The following ROR1 variants were observed in gnomAD, a reference collection of about 807,000 sequenced individuals.
ROR1 encodes inactive tyrosine-protein kinase transmembrane receptor ROR1.
A neutral mutation model predicts 78.8 loss-of-function variants in ROR1; 19 were observed. The ratio of observed to expected loss-of-function variants is 0.24; its 90% CI spans 0.17 to 0.35. The LOEUF (loss-of-function observed/expected upper bound fraction) is 0.35. ROR1 is among the 10% of genes least tolerant of loss of function. The pLI is 1.00. For missense variants in ROR1, 917 were observed against 1,177.8 expected, an observed-to-expected ratio of 0.78 and a Z score of 3.24; for synonymous variants, 386 against 433.6, an observed-to-expected ratio of 0.89 and a Z score of 1.36.
At chr1:64,073,153 C>T (rs1647021186) in intron 4 of ROR1, among the ~76,000 whole-genome samples, 1 of 152,132 alleles carries the variant, frequency 6.6e-6, no homozygotes, top group Admixed American at 6.5e-5. Flanking sequence ...AGCTTCCCTC[C>T]TCTATGTAAA....
intron 1 of ROR1, among the ~76,000 whole-genome samples, chr1:63,783,326 T>C (rs1405412959): frequency 6.6e-6 from 1 of 152,184 alleles, no homozygotes; most frequent in African/African-American, 2.4e-5. Flanking sequence ...GTCAAAGGTA[T>C]ATGATGGTGT....
In ROR1 at chr1:64,177,488, G is replaced by C; in HGVS notation, c.1447G>C (p.Ala483Pro). 1 of 1,614,178 alleles carries C rather than the reference G, an allele frequency of 6.2e-7. No individual in the cohort carries two copies. Among genetic ancestry groups the C allele is most frequent in the Non-Finnish European group, 8.5e-7 (1 of 1,180,042 alleles). The change falls in exon 9 of 9, where the codon GCC (alanine) becomes CCC (proline). Residue 483 changes from alanine (A) to proline (P), a missense_variant. By Grantham distance (27) the Ala-to-Pro change is conservative. This residue lies in a region of ROR1 where 835 missense variants were observed against 1,069.8 expected (regional missense o/e 0.78). Coordinates refer to ENST00000371079, the MANE Select transcript of ROR1 (RefSeq NM_005012.4). ...CTTTATGGAAGAATTGGGTGAGTGTGCCTTTGGAAAAATCTATAAAGGCCA... is the reference window on the plus strand; with the variant it reads ...CTTTATGGAAGAATTGGGTGAGTGTCCCTTTGGAAAAATCTATAAAGGCCA... ...VRFMEELGEC[A>P]FGKIYKGHLY...
chr1:63,911,825 A>G (rs1645572775), intron 1 of ROR1, among the ~76,000 whole-genome samples: 1 of 152,194 alleles, frequency 6.6e-6, no homozygotes. Context: ...TACAAGAGAT[A>G]TGCTGAGGGG....
At position 63,910,217 on chromosome 1, in the gene ROR1, A is replaced by G. The variant is rs373660988; in HGVS notation, c.92-99088A>G. 2.0e-4 allele frequency among the ~76,000 whole-genome samples: 31 copies of G among 152,322 alleles called. No individual in the cohort carries two copies. The East Asian group carries it at 2.9e-3, about 14-fold the overall frequency. ...TGATGAGGTGGTTGGTGAACTTTTC[A>G]GCTAGCTAAGTCAATTATGGTGAGT... is the stretch of plus-strand genomic sequence containing the variant. On this transcript the variant is annotated intron_variant, in intron 1 of 8. Coordinates refer to ENST00000371079, the MANE Select transcript of ROR1 (RefSeq NM_005012.4).
chr1:64,171,710 G>A (rs143531208), intron 8 of ROR1, among the ~76,000 whole-genome samples: 347 of 152,278 alleles, frequency 2.3e-3, no homozygotes, highest in African/African-American at 7.8e-3. Context: ...TTAAAGCCCC[G>A]TTTCTGTCCC....
intron 1 of ROR1, among the ~76,000 whole-genome samples, chr1:63,808,682 G>A (rs1644843198): frequency 6.6e-6 from 1 of 152,164 alleles, no homozygotes; most frequent in Non-Finnish European, 1.5e-5. Flanking sequence ...AATGTGTCAT[G>A]TGGGTCTCTC....
intron 1 of ROR1, among the ~76,000 whole-genome samples, chr1:63,911,876 A>C (rs1401710906): frequency 6.6e-6 from 1 of 152,178 alleles, no homozygotes; most frequent in Non-Finnish European, 1.5e-5. Flanking sequence ...TGTAGGTGTC[A>C]GGCTTTGGCC....
chr1:63,797,632 A>C (rs1644769392), intron 1 of ROR1, among the ~76,000 whole-genome samples: 1 of 152,238 alleles, frequency 6.6e-6, no homozygotes, highest in African/African-American at 2.4e-5. Flanking sequence ...TGAACAAGTG[A>C]AACAAGCCCT....
At chr1:63,921,248 C>T (rs855813) in intron 1 of ROR1, among the ~76,000 whole-genome samples, 100,088 of 151,944 alleles carry the variant, frequency 0.66, 37,411 homozygotes, top group East Asian at 0.94. Context: ...TTAAATTCAG[C>T]GTGCGTTTGG....
intron 1 of ROR1, among the ~76,000 whole-genome samples, chr1:63,854,573 G>A (rs1569821567): frequency 6.6e-6 from 1 of 152,122 alleles, no homozygotes; most frequent in East Asian, 1.9e-4. Flanking sequence ...CAATCCGAAC[G>A]TACTTCCATC....
At chr1:63,946,153 G>A (rs964173014) in intron 1 of ROR1, among the ~76,000 whole-genome samples, 1 of 152,156 alleles carries the variant, frequency 6.6e-6, no homozygotes, top group African/African-American at 2.4e-5. Context: ...TCTGTTGGCT[G>A]GTGTGTGGCT....
chr1:63,817,302 G>A (rs539679686), intron 1 of ROR1, among the ~76,000 whole-genome samples: 2 of 152,096 alleles, frequency 1.3e-5, no homozygotes, highest in Admixed American at 6.5e-5. Context: ...GGGTATAGCC[G>A]GGGCAGAGGG....
rs1048642358 is a variant in ROR1 at position 64,140,377 on chromosome 1, T to C, written c.879T>C (p.Ala293=). The C allele has an allele frequency of 3.7e-6, 6 of 1,613,506 alleles. No homozygotes were observed. The Admixed American group carries it at 1.0e-4, about 27-fold the overall frequency. ...TCCCCCAGCCAGAGAGCCCAGAAGC[T>C]GCGAACTGTATCCGGATTGGAATTC... is the stretch of plus-strand genomic sequence containing the variant. ...EDLPQPESPE[A]ANCIRIGIPM... is the part of the protein sequence containing the mutation. The change falls in exon 6 of 9, where the codon GCT becomes GCC. Residue 293 remains alanine (A), a synonymous_variant. Transcript: ENST00000371079.
At chr1:64,142,312 C>T (rs748174500) in intron 6 of ROR1, 93 bp from the exon 7 acceptor site, 9 of 1,534,288 alleles carry the variant, frequency 5.9e-6, no homozygotes, top group Non-Finnish European at 7.0e-6. Context: ...AGGTTAATTA[C>T]CTGCCCTCCC....
intron 1 of ROR1, among the ~76,000 whole-genome samples, chr1:63,908,718 AGTT>A (rs1645546566): frequency 6.6e-6 from 1 of 152,334 alleles, no homozygotes; most frequent in South Asian, 2.1e-4. Context: ...TTTGCTAGAA[AGTT>A]GTTACTACCA....
intron 1 of ROR1, among the ~76,000 whole-genome samples, chr1:63,797,660 A>G (rs1411560219): frequency 6.6e-6 from 1 of 152,312 alleles, no homozygotes; most frequent in East Asian, 1.9e-4. Flanking sequence ...AAGCAAATGA[A>G]CACGGTTTTG....
chr1:63,932,249 G>A (rs1418309221), intron 1 of ROR1, among the ~76,000 whole-genome samples: 1 of 152,168 alleles, frequency 6.6e-6, no homozygotes, highest in African/African-American at 2.4e-5. Flanking sequence ...AGGTGCAGGG[G>A]TGATAGATAG....
intron 8 of ROR1, among the ~76,000 whole-genome samples, chr1:64,163,748 C>G (rs1393141155): frequency 6.6e-6 from 1 of 152,202 alleles, no homozygotes; most frequent in Non-Finnish European, 1.5e-5. Context: ...GGCCCTGTCC[C>G]TTTTGCCAGC....
chr1:63,787,493 C>CCTTCCTGCCTTCCTGA (rs1644697242), intron 1 of ROR1, among the ~76,000 whole-genome samples: 8 of 142,856 alleles, frequency 5.6e-5, no homozygotes, highest in Admixed American at 6.9e-5. Context: ...TGCCTTCCTG[C>CCTTCCTGCCTTCCTGA]CTTCCTGACT....
Sources: gnomAD v4.1 joint callset for allele counts (sites outside exome capture counted in the v4.1 genomes callset) on GRCh38, gnomAD v4.1.1 for gene constraint, gnomAD v4.1.1 regional missense constraint, MANE v1.5 for transcripts, NCBI Gene and HGNC (gene_info 2026-07-23, HGNC 2026-07-21) for gene names.